Variants in CSNK1D observed in about 807,000 individuals in gnomAD.
CSNK1D encodes the protein casein kinase 1 delta.
CSNK1D carries 16 observed loss-of-function variants against 46.6 expected under a neutral mutation model. The ratio of observed to expected loss-of-function variants is 0.34; its 90% confidence interval spans 0.23 to 0.52. The LOEUF (loss-of-function observed/expected upper bound fraction) is 0.52, where lower values mean the gene tolerates loss of function less well. CSNK1D is among the 20% of genes least tolerant of loss of function. CSNK1D has a pLI of 0.95. For missense variants in CSNK1D, 398 were observed against 578.4 expected (o/e 0.69, Z 3.20); for synonymous variants, 276 against 228.2 (o/e 1.21, Z -1.89).
In CSNK1D at chr17:82,249,063, T is replaced by A; in HGVS notation, c.1058-49A>T. The A allele has an allele frequency of 6.5e-7, 1 of 1,540,880 alleles. No individual in the cohort carries two copies. Among genetic ancestry groups the A allele is most frequent in the Non-Finnish European group, 8.8e-7 (1 of 1,141,186 alleles). On this transcript the variant is annotated intron_variant, in intron 7 of 8. Transcript: ENST00000314028. This position sits in a 1 kb window ranked among gnomAD's most constrained non-coding sequence, Gnocchi z 6.7. ...GTGGGCCGCCCCCGTCTGCTGCCTC[T>A]CACTCGGGGCTTTCTATGAGAGGCT... is the stretch of plus-strand genomic sequence containing the variant.
rs2050970071 is a variant in CSNK1D at position 82,250,327 on chromosome 17, ACCTGCGGCTGCAGCAC to A, written c.886-741_886-726del. On this transcript the variant is annotated intron_variant, in intron 6 of 8. Coordinates refer to ENST00000314028, the MANE Select transcript of CSNK1D (RefSeq NM_001893.6). The surrounding 1 kb of genome is among the most constrained non-coding windows in gnomAD (Gnocchi z 4.6). ...CACCAGGCAACACACAGACCGACAC[ACCTGCGGCTGCAGCAC>A]CGTGCGGCCAGCACCGCCCAGACTC... 1 of 645,064 alleles carries A rather than the reference ACCTGCGGCTGCAGCAC, an allele frequency of 1.6e-6. No individual in the cohort carries two copies. Among genetic ancestry groups the A allele is most frequent in the Admixed American group, 2.5e-5 (1 of 39,914 alleles). 40.0% of individuals were successfully genotyped at this position (645,064 alleles called of 1,614,324 possible).
At chr17:82,246,377 T>C in intron 8 of CSNK1D, 1 of 1,265,626 alleles carries the variant, frequency 7.9e-7, no homozygotes, top group Non-Finnish European at 1.0e-6. Flanking sequence ...GGGCACAGCC[T>C]GAAGGCAGGG....
rs1216567132 is a variant in CSNK1D at position 82,242,966 on chromosome 17, A to C, written c.*1815T>G. On this transcript the variant is annotated 3_prime_UTR_variant, in exon 9 of 9. Coordinates refer to ENST00000314028, the MANE Select transcript of CSNK1D (RefSeq NM_001893.6). ...TTACAAAGCAAGCTTGCGCCACTTC[A>C]GGCCACAGCGCGACGTCTCTCCGGG... 3.0e-6 allele frequency: 3 copies of C among 985,334 alleles called. No individual in the cohort carries two copies. The highest frequency in any genetic ancestry group is 3.6e-6 in the Non-Finnish European group (3 of 829,952). The allele number at this position is 985,334 out of a possible 1,614,324, so 61.0% of individuals were successfully genotyped here.
At chr17:82,247,539 C>T in intron 8 of CSNK1D, 1 of 985,496 alleles carries the variant, frequency 1.0e-6, no homozygotes. Context: ...GCATGGGGAG[C>T]ACTCTGGGCT....
At chr17:82,254,916 G>GGC (rs2051131773) in intron 3 of CSNK1D, among the ~76,000 whole-genome samples, 2 of 118,334 alleles carry the variant, frequency 1.7e-5, no homozygotes, top group African/African-American at 2.9e-5. Context: ...GGGGCCTCCA[G>GGC]AAGCCAGTGA....
rs112134991 is a variant in CSNK1D, at chr17:82,271,366, G to A, written c.76+1940C>T. Among the ~76,000 whole-genome samples the A allele has an allele frequency of 1.2e-4, 18 of 152,284 alleles. No homozygotes were observed. In the South Asian group the frequency reaches 2.7e-3, roughly 23 times the overall value. On this transcript the variant is annotated intron_variant, in intron 1 of 8. Transcript: ENST00000314028. Reference sequence around the variant, plus strand: ...ATTACAGGCGTGAGCCACCACACCCGGCCCAAAATACTCCTTTTTGATGCC... The same window carrying A: ...ATTACAGGCGTGAGCCACCACACCCAGCCCAAAATACTCCTTTTTGATGCC...
Position 82,250,030 on chromosome 17 carries a change from G to C in CSNK1D, c.886-428C>G. 2 of 1,246,288 alleles carry C rather than the reference G, an allele frequency of 1.6e-6. No homozygotes were observed. Among genetic ancestry groups the C allele is most frequent in the Admixed American group, 5.3e-5 (2 of 38,086 alleles). The allele number at this position is 1,246,288 out of a possible 1,614,324, so 77.2% of individuals were successfully genotyped here. ...GGGGTGGGGATGAGAGCGTTTGGTCGGACGAGGAGTACACTCAGGGTCCGG... is the reference window on the plus strand; with the variant it reads ...GGGGTGGGGATGAGAGCGTTTGGTCCGACGAGGAGTACACTCAGGGTCCGG... On this transcript the variant is annotated intron_variant, in intron 6 of 8. Coordinates refer to ENST00000314028, the MANE Select transcript of CSNK1D (RefSeq NM_001893.6). This position sits in a 1 kb window ranked among gnomAD's most constrained non-coding sequence, Gnocchi z 4.6.
chr17:82,239,068 G>GCCACGGCTGGGCTCCAGCTGCCGGC, downstream of CSNK1D: 1 of 1,296,076 alleles, frequency 7.7e-7, no homozygotes, highest in Non-Finnish European at 1.0e-6. Context: ...CTCAGGCAGG[G>GCCACGGCTGGGCTCCAGCTGCCGGC]CCACGGCTGG....
intron 2 of CSNK1D, among the ~76,000 whole-genome samples, chr17:82,263,305 C>T (rs558267032): frequency 2.0e-5 from 3 of 152,330 alleles, no homozygotes; most frequent in African/African-American, 4.8e-5. Context: ...CATGGCAATG[C>T]GCTCGAAGCC....
Position 82,245,094 on chromosome 17 carries a change from C to T in CSNK1D, c.1198-263G>A, listed in dbSNP as rs1046873574. ...CCGGGCTCGGCAGGGTCGAAGGATCCGAGTGGAGCGGAGACGGGTGCTCCT... is the reference window on the plus strand; with the variant it reads ...CCGGGCTCGGCAGGGTCGAAGGATCTGAGTGGAGCGGAGACGGGTGCTCCT... On this transcript the variant is annotated intron_variant, in intron 8 of 8. Transcript: ENST00000314028. The T allele has an allele frequency of 8.7e-5, 52 of 597,152 alleles. No individual in the cohort carries two copies. The African/African-American group carries it at 8.7e-4, about 10-fold the overall frequency. The allele number at this position is 597,152 out of a possible 1,614,324, so 37.0% of individuals were successfully genotyped here. A position where few individuals can be genotyped will look rare whatever the true frequency, so the allele number is the denominator to read the frequency against.
rs2051045141 is a variant in CSNK1D, at chr17:82,252,711, C to T, written c.566-107G>A. On this transcript the variant is annotated intron_variant, in intron 4 of 8. Coordinates refer to ENST00000314028, the MANE Select transcript of CSNK1D (RefSeq NM_001893.6). This position sits in a 1 kb window ranked among gnomAD's most constrained non-coding sequence, Gnocchi z 4.6. ...GAGACTAGCCTCAGACACACATGCC[C>T]AGATCACTCCAGCTGGCACTTCCAG... 1.7e-6 allele frequency: 2 copies of T among 1,149,178 alleles called. No homozygotes were observed. Among genetic ancestry groups the T allele is most frequent in the African/African-American group, 1.5e-5 (1 of 65,364 alleles). 71.2% of individuals were successfully genotyped at this position (1,149,178 alleles called of 1,614,324 possible).
chr17:82,239,103 C>T (rs549596018), downstream of CSNK1D: 14 of 895,992 alleles, frequency 1.6e-5, no homozygotes, highest in African/African-American at 8.4e-5. Flanking sequence ...CCCAGCGGAT[C>T]GTCGCCCGAT....
At chr17:82,240,988 G>C (rs887689530), downstream of CSNK1D, among the ~76,000 whole-genome samples, 1 of 152,212 alleles carries the variant, frequency 6.6e-6, no homozygotes, top group African/African-American at 2.4e-5. Flanking sequence ...GGGGGCAGAG[G>C]TCTGGTGCGT....
At chr17:82,242,650 T>A (rs368895181), downstream of CSNK1D, 5 of 984,688 alleles carry the variant, frequency 5.1e-6, no homozygotes, top group African/African-American at 8.8e-5. Context: ...AAAGACCACA[T>A]GGAAAGGGGA....
At chr17:82,272,557 C>T (rs1475629837) in intron 1 of CSNK1D, among the ~76,000 whole-genome samples, 1 of 152,202 alleles carries the variant, frequency 6.6e-6, no homozygotes. Context: ...CATCTTAATC[C>T]TGTGTGACTT....
Position 82,243,731 on chromosome 17 carries a change from A to G in CSNK1D, c.*1050T>C. On this transcript the variant is annotated 3_prime_UTR_variant, in exon 9 of 9. Transcript: ENST00000314028. ...CCCGCTCCTGGTTTTAAGCACAGGCATTCATACAGACGGAGTGCCAATCCG... is the reference window on the plus strand; with the variant it reads ...CCCGCTCCTGGTTTTAAGCACAGGCGTTCATACAGACGGAGTGCCAATCCG... 2 of 985,478 alleles carry G rather than the reference A, an allele frequency of 2.0e-6. No individual in the cohort carries two copies. Among genetic ancestry groups the G allele is most frequent in the Non-Finnish European group, 2.4e-6 (2 of 829,964 alleles). 61.0% of individuals were successfully genotyped at this position (985,478 alleles called of 1,614,324 possible). A position where few individuals can be genotyped will look rare whatever the true frequency, so the allele number is the denominator to read the frequency against.
At position 82,248,358 on chromosome 17, in the gene CSNK1D, G is replaced by A. The variant is rs772006007; in HGVS notation, c.1197+517C>T. On this transcript the variant is annotated intron_variant, in intron 8 of 8. Coordinates refer to ENST00000314028, the MANE Select transcript of CSNK1D (RefSeq NM_001893.6). This position sits in a 1 kb window ranked among gnomAD's most constrained non-coding sequence, Gnocchi z 4.1. ...TGGGCTGCGCAACAGGGTACTTCTC[G>A]TCCAAGGGAAGACAGGTGAGGCCGT... 2.3e-5 allele frequency: 23 copies of A among 999,406 alleles called. No homozygotes were observed. Among genetic ancestry groups the A allele is most frequent in the African/African-American group, 1.0e-4 (6 of 57,424 alleles). The allele number at this position is 999,406 out of a possible 1,614,324, so 61.9% of individuals were successfully genotyped here. A position where few individuals can be genotyped will look rare whatever the true frequency, so the allele number is the denominator to read the frequency against.
In CSNK1D at chr17:82,248,562, C is replaced by T. The variant is rs1379523187; in HGVS notation, c.1197+313G>A. 3.3e-6 allele frequency: 4 copies of T among 1,214,030 alleles called. No homozygotes were observed. The highest frequency in any genetic ancestry group is 4.1e-6 in the Non-Finnish European group (4 of 964,752). 75.2% of individuals were successfully genotyped at this position (1,214,030 alleles called of 1,614,324 possible). A position where few individuals can be genotyped will look rare whatever the true frequency, so the allele number is the denominator to read the frequency against. On this transcript the variant is annotated intron_variant, in intron 8 of 8. Transcript: ENST00000314028. This position sits in a 1 kb window ranked among gnomAD's most constrained non-coding sequence, Gnocchi z 4.1. The stretch of plus-strand genomic sequence containing the variant: ...GCAAGCAGGCGAGCGGTGTCAGCTG[C>T]CTGGGGACGGCTGCGGGCAGCGGGG...
intron 8 of CSNK1D, chr17:82,246,260 A>C: frequency 6.9e-7 from 1 of 1,454,338 alleles, no homozygotes; most frequent in Non-Finnish European, 9.1e-7. Flanking sequence ...ACTTGCTCTT[A>C]AGGCCAACAA....
Sources: gnomAD v4.1 joint callset for allele counts (sites outside exome capture counted in the v4.1 genomes callset) on GRCh38, gnomAD v4.1.1 for gene constraint, Gnocchi (gnomAD v3.1) non-coding constraint, MANE v1.5 for transcripts, NCBI Gene and HGNC (gene_info 2026-07-23, HGNC 2026-07-21) for gene names.